Variants in GALNT17 observed in about 807,000 individuals in gnomAD.
The protein encoded by GALNT17 is UDP-GalNAc:polypeptide N-acetylgalactosaminyltransferase-like 3.
A neutral mutation model predicts 63.7 loss-of-function variants in GALNT17; 29 were observed. The ratio of observed to expected loss-of-function variants is 0.46; its 90% CI spans 0.34 to 0.62. GALNT17 has a LOEUF of 0.62. GALNT17 is among the 20% of genes least tolerant of loss of function. The pLI is 0.01. For synonymous variants in GALNT17, 305 were observed against 318.3 expected (o/e 0.96, Z 0.45); for missense variants, 603 against 799.6 (o/e 0.75, Z 2.97).
intron 1 of GALNT17, among the ~76,000 whole-genome samples, chr7:71,160,441 A>G (rs1443169663): frequency 2.0e-5 from 3 of 152,142 alleles, no homozygotes; most frequent in Non-Finnish European, 4.4e-5. Flanking sequence ...TCAAATTTTT[A>G]TTATAAACAA....
intron 1 of GALNT17, among the ~76,000 whole-genome samples, chr7:71,330,671 G>A (rs532834946): frequency 1.3e-5 from 2 of 152,094 alleles, no homozygotes; most frequent in African/African-American, 4.8e-5. Context: ...CAAAGCACTG[G>A]GATTACAGGC....
At chr7:71,592,569 TAAAATAA>T (rs1562703322) in intron 6 of GALNT17, among the ~76,000 whole-genome samples, 28 of 81,592 alleles carry the variant, frequency 3.4e-4, no homozygotes, top group Middle Eastern at 7.2e-3. Flanking sequence ...CATACTAAAA[TAAAATAA>T]AATAAAATAA....
intron 1 of GALNT17, among the ~76,000 whole-genome samples, chr7:71,203,878 A>G (rs997861281): frequency 1.3e-5 from 2 of 151,744 alleles, no homozygotes; most frequent in South Asian, 4.2e-4. Context: ...TTGTCTCTTC[A>G]CTCTGTTGAT....
intron 6 of GALNT17, among the ~76,000 whole-genome samples, chr7:71,619,930 A>G (rs997447072): frequency 6.6e-6 from 1 of 152,186 alleles, no homozygotes; most frequent in Non-Finnish European, 1.5e-5. Flanking sequence ...GTGGTTTGTC[A>G]TAGATGGCTC....
intron 1 of GALNT17, among the ~76,000 whole-genome samples, chr7:71,137,112 T>C (rs567985310): frequency 1.4e-5 from 2 of 138,842 alleles, no homozygotes; most frequent in Non-Finnish European, 3.0e-5. Context: ...TTGATAGGCC[T>C]TTTAAGGGCT....
At chr7:71,392,291 T>C (rs961513284) in intron 3 of GALNT17, among the ~76,000 whole-genome samples, 2 of 152,124 alleles carry the variant, frequency 1.3e-5, no homozygotes, top group Non-Finnish European at 2.9e-5. Flanking sequence ...AGGGAAAGCA[T>C]CCCCAAAAGA....
chr7:71,178,774 A>G (rs1289048725), intron 1 of GALNT17, among the ~76,000 whole-genome samples: 1 of 151,832 alleles, frequency 6.6e-6, no homozygotes, highest in African/African-American at 2.4e-5. Context: ...TTGTGTATAT[A>G]TTTTTCATTT....
chr7:71,401,969 C>G (rs535168753), intron 3 of GALNT17, among the ~76,000 whole-genome samples: 1 of 152,146 alleles, frequency 6.6e-6, no homozygotes, highest in South Asian at 2.1e-4. Flanking sequence ...TTCCTGGTGC[C>G]AAAAAGGTTG....
At chr7:71,149,016 C>T (rs775032006) in intron 1 of GALNT17, among the ~76,000 whole-genome samples, 2 of 151,932 alleles carry the variant, frequency 1.3e-5, no homozygotes, top group South Asian at 4.2e-4. Context: ...ACTGCAGCCT[C>T]GAACTCCTGG....
At chr7:71,566,994 C>T (rs1405857301) in intron 5 of GALNT17, among the ~76,000 whole-genome samples, 2 of 152,150 alleles carry the variant, frequency 1.3e-5, no homozygotes, top group Admixed American at 6.5e-5. Context: ...GAGCCCTGAA[C>T]GCGTGTGAGC....
At chr7:71,388,477 C>A in intron 3 of GALNT17, 76 bp downstream of exon 3, 1 of 1,531,722 alleles carries the variant, frequency 6.5e-7, no homozygotes, top group Non-Finnish European at 8.9e-7. Flanking sequence ...AACGCGAGCC[C>A]GAGCATCTGT....
At chr7:71,278,805 G>C (rs762935311) in intron 1 of GALNT17, among the ~76,000 whole-genome samples, 1 of 152,108 alleles carries the variant, frequency 6.6e-6, no homozygotes, top group Non-Finnish European at 1.5e-5. Flanking sequence ...CTCACACCGA[G>C]TCCCTTGCAC....
intron 5 of GALNT17, among the ~76,000 whole-genome samples, chr7:71,527,844 C>G (rs1223318807): frequency 6.6e-6 from 1 of 152,196 alleles, no homozygotes; most frequent in Non-Finnish European, 1.5e-5. Flanking sequence ...ACACTGCGCT[C>G]TGTCATAGAG....
intron 5 of GALNT17, among the ~76,000 whole-genome samples, chr7:71,502,102 C>T (rs187159382): frequency 1.3e-5 from 2 of 152,304 alleles, no homozygotes; most frequent in Admixed American, 6.5e-5. Context: ...TCAACATACG[C>T]AGGCTCTTGC....
chr7:71,418,766 T>C (rs540420000), intron 4 of GALNT17, among the ~76,000 whole-genome samples: 1 of 152,290 alleles, frequency 6.6e-6, no homozygotes, highest in Admixed American at 6.5e-5. Flanking sequence ...GGAATCGTCA[T>C]ACATTGTCTA....
At chr7:71,626,724 A>G (rs998306119) in intron 6 of GALNT17, among the ~76,000 whole-genome samples, 1 of 152,212 alleles carries the variant, frequency 6.6e-6, no homozygotes, top group Non-Finnish European at 1.5e-5. Flanking sequence ...CACAATGGGC[A>G]TCTTCAGGGT....
chr7:71,629,413 TC>T (rs1323647340), intron 6 of GALNT17, among the ~76,000 whole-genome samples: 1 of 152,148 alleles, frequency 6.6e-6, no homozygotes, highest in Non-Finnish European at 1.5e-5. Flanking sequence ...ACTCAGAACA[TC>T]ATCTAACAAT....
intron 1 of GALNT17, chr7:71,284,683 A>G (rs187676335): frequency 6.6e-6 from 1 of 152,096 alleles, no homozygotes; most frequent in Non-Finnish European, 1.5e-5. Flanking sequence ...AGTCTTGACT[A>G]TGTCTTTAGT....
chr7:71,221,219 G>C (rs994018002), intron 1 of GALNT17, among the ~76,000 whole-genome samples: 12 of 152,142 alleles, frequency 7.9e-5, no homozygotes, highest in African/African-American at 2.9e-4. Context: ...GGAGGACTAA[G>C]GGGAGAGCAG....
Sources: gnomAD v4.1 joint callset for allele counts (sites outside exome capture counted in the v4.1 genomes callset) on GRCh38, gnomAD v4.1.1 for gene constraint, MANE v1.5 for transcripts, NCBI Gene and HGNC (gene_info 2026-07-23, HGNC 2026-07-21) for gene names.